CATSPER2: variants seen among roughly 807,000 people sequenced by gnomAD.
CATSPER2 encodes the protein cation channel sperm-associated protein 2.
Under a neutral mutation model 68.8 loss-of-function variants are expected in CATSPER2, and 56 were observed. The observed-to-expected ratio is 0.81, with a 90% CI of 0.66 to 1.02. The LOEUF is 1.02. Among genes scored for constraint, CATSPER2 ranks in the 50% least tolerant of loss-of-function variants. The pLI, the probability that CATSPER2 is intolerant of heterozygous loss-of-function variation, is 0.00. For missense variants in CATSPER2, 582 were observed against 642.0 expected (o/e 0.91, Z 1.01); for synonymous variants, 198 against 229.9 (o/e 0.86, Z 1.26).
chr15:43,638,194 T>C (rs2085999510), intron 7 of CATSPER2, among the ~76,000 whole-genome samples: 1 of 151,028 alleles, frequency 6.6e-6, no homozygotes, highest in African/African-American at 2.4e-5. Context: ...ACTCAGGTGA[T>C]CCACCTGTCT....
Position 43,647,952 on chromosome 15 carries a change from T to G in CATSPER2, c.110A>C (p.Gln37Pro). The G allele has an allele frequency of 6.2e-7, 1 of 1,613,756 alleles. No homozygotes were observed. Among genetic ancestry groups the G allele is most frequent in the Non-Finnish European group, 8.5e-7 (1 of 1,179,818 alleles). ...CCTGATAGTGTGCCGCGGCACAGCTTGGCTCAAGCCTTGCAAATGCTCAAT... is the reference window on the plus strand; with the variant it reads ...CCTGATAGTGTGCCGCGGCACAGCTGGGCTCAAGCCTTGCAAATGCTCAAT... ...SLIEHLQGLS[Q>P]AVPRHTIREL... The change falls in exon 2 of 13, where the codon CAA (glutamine) becomes CCA (proline). Residue 37 changes from glutamine (Q) to proline (P), a missense_variant. Physicochemically the swap from Gln to Pro is moderately conservative, Grantham distance 76. This residue lies in a region of CATSPER2 where 197 missense variants were observed against 191.0 expected (regional missense o/e 1.03). Transcript: ENST00000396879.
intron 6 of CATSPER2, 51 bp from the exon 7 acceptor site, chr15:43,639,079 C>T (rs1268722340): frequency 1.2e-6 from 2 of 1,602,942 alleles, no homozygotes; most frequent in Non-Finnish European, 1.7e-6. Context: ...GGCTGATCTC[C>T]ACCAACAGCC....
rs199876382 is a variant in CATSPER2 at position 43,647,907 on chromosome 15, G to T, written c.145+10C>A. 6.2e-7 allele frequency: 1 copy of T among 1,613,136 alleles called. No homozygotes were observed. The highest frequency in any genetic ancestry group is 8.5e-7 in the Non-Finnish European group (1 of 1,179,290). On this transcript the variant is annotated intron_variant, in intron 2 of 12. Transcript: ENST00000396879. ...TTAAATTTAAATTAGTGAAGAAATA[G>T]GCTGCTGACCAAGTAACTCCCTGAT...
At chr15:43,647,784 T>A (rs1300053160) in intron 2 of CATSPER2, 133 bp downstream of exon 2, 2 of 1,044,652 alleles carry the variant, frequency 1.9e-6, no homozygotes, top group East Asian at 4.7e-5. Flanking sequence ...TCTCTTCAGT[T>A]TTATTTACAA....
At position 43,635,407 on chromosome 15, in the gene CATSPER2, G is replaced by GT. The variant is rs2085945992; in HGVS notation, c.1130dup (p.Asn377LysfsTer5). On this transcript the variant is annotated frameshift_variant, in exon 10 of 13. Coordinates refer to ENST00000396879, the MANE Select transcript of CATSPER2 (RefSeq NM_172095.4). LOFTEE classifies it high-confidence loss of function. ...TTGACGTCAGTGCTTCATGTGACAT[G>GT]TTTTTTCTCCTGCAGAGCAAAAAAA... 4.4e-6 allele frequency: 7 copies of GT among 1,604,330 alleles called. No individual in the cohort carries two copies. The highest frequency in any genetic ancestry group is 2.2e-5 in the East Asian group (1 of 44,720).
Position 43,632,332 on chromosome 15 carries a change from T to C in CATSPER2, c.1428A>G (p.Glu476=), listed in dbSNP as rs143243987. The C allele has an allele frequency of 1.0e-4, 169 of 1,613,596 alleles. 2 individuals carry two copies. Among genetic ancestry groups the C allele is most frequent in the Middle Eastern group, 3.3e-4 (2 of 6,084 alleles). ...GRLDWETLVH[E]NLPGLMEMDQ... ...CCATTTCCATTAGCCCGGGCAGATTTTCGTGCACAAGAGTCTCCCAGTCCA... is the reference window on the plus strand; with the variant it reads ...CCATTTCCATTAGCCCGGGCAGATTCTCGTGCACAAGAGTCTCCCAGTCCA... Residue 476 remains glutamate (E), a synonymous_variant, in exon 12 of 13, where the codon GAA becomes GAG. Transcript: ENST00000396879.
chr15:43,633,278 T>C (rs1407847090), intron 10 of CATSPER2: 3 of 343,136 alleles, frequency 8.7e-6, no homozygotes, highest in Non-Finnish European at 1.6e-5. Flanking sequence ...ACTCCTTCCC[T>C]TGTTCTTCTA....
chr15:43,632,490 G>T lies in CATSPER2; in HGVS notation c.1397-127C>A, dbSNP rs1360198431. 19 of 1,414,892 alleles carry T rather than the reference G, an allele frequency of 1.3e-5. 1 individual carries two copies. In the South Asian group the frequency reaches 2.1e-4, roughly 16 times the overall value. 87.6% of individuals were successfully genotyped at this position (1,414,892 alleles called of 1,614,324 possible). ...GTAACAGGAAGCAAGGAGGGAAAGG[G>T]TGCATCAGTAAGAAACCACTTTTTA... On this transcript the variant is annotated intron_variant, in intron 11 of 12. Transcript: ENST00000396879.
intron 7 of CATSPER2, among the ~76,000 whole-genome samples, chr15:43,638,357 C>T (rs569983925): frequency 3.8e-5 from 5 of 130,292 alleles, no homozygotes; most frequent in South Asian, 2.5e-4. Context: ...GGCACTATAT[C>T]GGCTCACTGC....
chr15:43,642,849 A>G (rs1043376650), intron 4 of CATSPER2: 1 of 149,906 alleles, frequency 6.7e-6, no homozygotes, highest in Non-Finnish European at 1.5e-5. Context: ...TCCACTCTAC[A>G]TCAAGTAATG....
In CATSPER2 at chr15:43,630,698, G is replaced by A. The variant is rs1325238628; in HGVS notation, c.*3C>T. The A allele has an allele frequency of 3.1e-6, 5 of 1,611,560 alleles. No homozygotes were observed. Among genetic ancestry groups the A allele is most frequent in the Non-Finnish European group, 3.4e-6 (4 of 1,179,522 alleles). On this transcript the variant is annotated 3_prime_UTR_variant, in exon 13 of 13. Coordinates refer to ENST00000396879, the MANE Select transcript of CATSPER2 (RefSeq NM_172095.4). Reference sequence around the variant, plus strand: ...CCCAAGGATATTGAAGCCATCCATTGCTTTACTTGTCTTCCAAGTTCATCA... The same window carrying A: ...CCCAAGGATATTGAAGCCATCCATTACTTTACTTGTCTTCCAAGTTCATCA...
intron 12 of CATSPER2, among the ~76,000 whole-genome samples, chr15:43,631,277 C>G (rs908972784): frequency 1.3e-5 from 2 of 152,056 alleles, no homozygotes; most frequent in African/African-American, 2.4e-5. Flanking sequence ...TTTTGCCAGG[C>G]TGGAGTTCAG....
intron 5 of CATSPER2, 197 bp from the exon 6 acceptor site, chr15:43,639,995 G>C (rs1567130316): frequency 1.4e-6 from 2 of 1,450,150 alleles, no homozygotes; most frequent in Non-Finnish European, 1.8e-6. Context: ...ATATAAAAAG[G>C]GGGATAAAAT....
chr15:43,631,543 T>G (rs1266960257), intron 12 of CATSPER2: 1 of 387,386 alleles, frequency 2.6e-6, no homozygotes, highest in South Asian at 2.1e-5. Context: ...TTTTTCCTTT[T>G]AGAGGGAAAT....
At chr15:43,635,121 G>C in intron 10 of CATSPER2, 1 of 577,074 alleles carries the variant, frequency 1.7e-6, no homozygotes, top group East Asian at 3.1e-5. Context: ...GGATAATCTA[G>C]GATGATCTCA....
intron 4 of CATSPER2, among the ~76,000 whole-genome samples, chr15:43,645,390 A>T (rs2086145928): frequency 6.6e-6 from 1 of 151,872 alleles, no homozygotes; most frequent in South Asian, 2.1e-4. Context: ...TTGGAGCTAG[A>T]GGCAGAGTCC....
intron 10 of CATSPER2, chr15:43,633,720 G>A (rs1033324118): frequency 6.6e-6 from 1 of 151,544 alleles, no homozygotes; most frequent in Non-Finnish European, 1.5e-5. Flanking sequence ...GAGGCGGGTG[G>A]AGTGCCTGAG....
chr15:43,640,929 C>T (rs567223338), intron 4 of CATSPER2, among the ~76,000 whole-genome samples: 3 of 151,136 alleles, frequency 2.0e-5, no homozygotes, highest in African/African-American at 4.9e-5. Flanking sequence ...TACTTTATAA[C>T]GAATGTAGAA....
intron 6 of CATSPER2, 84 bp from the exon 7 acceptor site, chr15:43,639,112 C>T (rs1347146225): frequency 4.6e-6 from 7 of 1,519,302 alleles, no homozygotes; most frequent in Admixed American, 1.7e-5. Context: ...CCTGGCAATC[C>T]CCCACCAAAC....
Sources: gnomAD v4.1 joint callset for allele counts (sites outside exome capture counted in the v4.1 genomes callset) on GRCh38, gnomAD v4.1.1 for gene constraint, gnomAD v4.1.1 regional missense constraint, MANE v1.5 for transcripts, NCBI Gene and HGNC (gene_info 2026-07-23, HGNC 2026-07-21) for gene names.